Variants in PKN2 observed in about 807,000 individuals in gnomAD.
PKN2 encodes the protein protein kinase N2, also known as serine/threonine-protein kinase N2.
PKN2 carries 38 observed loss-of-function variants against 119.1 expected under a neutral mutation model. That is an observed-to-expected ratio of 0.32 (90% CI 0.25 to 0.42). PKN2 has a LOEUF of 0.42. PKN2 is among the 10% of genes least tolerant of loss of function. PKN2 has a pLI of 1.00. For missense variants in PKN2, 850 were observed against 1,165.1 expected, an observed-to-expected ratio of 0.73 and a Z score of 3.94; for synonymous variants, 390 against 384.9, an observed-to-expected ratio of 1.01 and a Z score of -0.15.
At chr1:88,754,928 G>A (rs1227187258) in intron 2 of PKN2, among the ~76,000 whole-genome samples, 1 of 152,114 alleles carries the variant, frequency 6.6e-6, no homozygotes, top group African/African-American at 2.4e-5. Context: ...AAGGTTAGAA[G>A]CAAGCATAAT....
chr1:88,800,563 C>T (rs1355411005), intron 8 of PKN2, among the ~76,000 whole-genome samples: 12 of 152,142 alleles, frequency 7.9e-5, no homozygotes, highest in African/African-American at 2.9e-4. Context: ...TATGAACTAC[C>T]TTTCGCTAGT....
rs987104272 is a variant in PKN2, at chr1:88,834,860, T to G, written c.*1412T>G. The G allele has an allele frequency of 6.6e-6, 1 of 152,454 alleles. No homozygotes were observed. The highest frequency in any genetic ancestry group is 2.1e-4 in the South Asian group (1 of 4,826). The allele number at this position is 152,454 out of a possible 1,614,324, so 9.4% of individuals were successfully genotyped here. ...TATTTTTTTCTCCTAATCTATGACT[T>G]TATTGTTTTTTCTTAGTTTAGTAAT... On this transcript the variant is annotated 3_prime_UTR_variant, in exon 22 of 22. Coordinates refer to ENST00000370521, the MANE Select transcript of PKN2 (RefSeq NM_006256.4).
intron 1 of PKN2, among the ~76,000 whole-genome samples, chr1:88,701,037 T>C (rs1193171015): frequency 1.3e-5 from 2 of 152,248 alleles, no homozygotes; most frequent in African/African-American, 4.8e-5. Flanking sequence ...GAGATTTTTT[T>C]TACCGGCAGA....
intron 3 of PKN2, among the ~76,000 whole-genome samples, chr1:88,763,623 A>G (rs113682187): frequency 0.024 from 3,580 of 151,618 alleles, 149 homozygotes; most frequent in African/African-American, 0.083. Flanking sequence ...AAAAAAAAAA[A>G]AAAGAAAGTT....
intron 1 of PKN2, among the ~76,000 whole-genome samples, chr1:88,709,335 A>G (rs1667130956): frequency 6.6e-6 from 1 of 152,100 alleles, no homozygotes; most frequent in South Asian, 2.1e-4. Context: ...GATTACAGTG[A>G]GCCACTGCAC....
At chr1:88,759,116 G>C (rs1669337995) in intron 2 of PKN2, among the ~76,000 whole-genome samples, 1 of 152,210 alleles carries the variant, frequency 6.6e-6, no homozygotes, top group Non-Finnish European at 1.5e-5. Flanking sequence ...TGTAATCCCA[G>C]CACTTTGGGA....
At chr1:88,752,943 GC>G (rs1669058329) in intron 2 of PKN2, among the ~76,000 whole-genome samples, 1 of 151,794 alleles carries the variant, frequency 6.6e-6, no homozygotes, top group African/African-American at 2.4e-5. Context: ...CTTATTTTGT[GC>G]CTTTAATGTT....
intron 6 of PKN2, among the ~76,000 whole-genome samples, chr1:88,776,520 A>G (rs952153115): frequency 1.3e-5 from 2 of 151,776 alleles, no homozygotes; most frequent in African/African-American, 4.8e-5. Flanking sequence ...CGGGTGGATC[A>G]CTTGAGGTCA....
intron 2 of PKN2, among the ~76,000 whole-genome samples, chr1:88,746,911 C>G (rs1233627659): frequency 2.0e-5 from 3 of 152,112 alleles, no homozygotes; most frequent in Non-Finnish European, 4.4e-5. Context: ...CAGTGCAATA[C>G]TATTCAGCCT....
chr1:88,762,501 A>C (rs1052617673), intron 3 of PKN2, among the ~76,000 whole-genome samples: 6 of 152,188 alleles, frequency 3.9e-5, no homozygotes, highest in African/African-American at 1.2e-4. Context: ...AGGGAAAATT[A>C]TAAATTGAAA....
intron 19 of PKN2, among the ~76,000 whole-genome samples, chr1:88,829,647 A>G (rs786913): frequency 0.73 from 110,432 of 152,048 alleles, 41,465 homozygotes; most frequent in African/African-American, 0.93. Flanking sequence ...TTGAATTGGG[A>G]TGAAATTGGG....
At chr1:88,763,607 C>CAAAAAA (rs34763457) in intron 3 of PKN2, among the ~76,000 whole-genome samples, 31 of 103,366 alleles carry the variant, frequency 3.0e-4, no homozygotes, top group African/African-American at 8.1e-4. Flanking sequence ...AACTCCATCT[C>CAAAAAA]AAAAAAAAAA....
intron 3 of PKN2, among the ~76,000 whole-genome samples, chr1:88,768,901 T>A (rs1669772577): frequency 6.6e-6 from 1 of 152,084 alleles, no homozygotes; most frequent in Non-Finnish European, 1.5e-5. Context: ...AAGCTTACAG[T>A]CGTGATGGAA....
At chr1:88,733,291 C>T (rs962585354) in intron 1 of PKN2, among the ~76,000 whole-genome samples, 3 of 152,142 alleles carry the variant, frequency 2.0e-5, no homozygotes, top group African/African-American at 7.2e-5. Context: ...AATGGCTATA[C>T]ATTCCCACCA....
intron 9 of PKN2, 73 bp downstream of exon 9, chr1:88,804,607 TAGAA>T: frequency 1.4e-6 from 2 of 1,409,262 alleles, no homozygotes; most frequent in Non-Finnish European, 2.0e-6. Context: ...AATATAGAAG[TAGAA>T]AGAGTGTTAG....
chr1:88,706,994 T>C (rs1175224923), intron 1 of PKN2, among the ~76,000 whole-genome samples: 1 of 152,130 alleles, frequency 6.6e-6, no homozygotes, highest in Non-Finnish European at 1.5e-5. Flanking sequence ...CATTGTTTTA[T>C]ATATCTTGTC....
chr1:88,752,555 GT>G (rs1669045378), intron 2 of PKN2, among the ~76,000 whole-genome samples: 1 of 151,954 alleles, frequency 6.6e-6, no homozygotes, highest in Non-Finnish European at 1.5e-5. Flanking sequence ...AAATTTGCCA[GT>G]TTTTTCTTTA....
intron 17 of PKN2, among the ~76,000 whole-genome samples, chr1:88,823,109 A>C (rs1251596466): frequency 3.3e-5 from 5 of 152,086 alleles, no homozygotes; most frequent in Admixed American, 3.3e-4. Context: ...TATCCCAGCT[A>C]CTCAGGAGGC....
intron 1 of PKN2, among the ~76,000 whole-genome samples, chr1:88,717,239 A>G (rs897121806): frequency 3.3e-5 from 5 of 151,912 alleles, no homozygotes; most frequent in Non-Finnish European, 7.4e-5. Flanking sequence ...TTTTTCCTTC[A>G]TTTCAACCTT....
Sources: allele counts gnomAD v4.1 joint callset (sites outside exome capture counted in the v4.1 genomes callset), GRCh38; gene constraint gnomAD v4.1.1; transcripts MANE v1.5; gene names NCBI Gene and HGNC (gene_info 2026-07-23, HGNC 2026-07-21).